The following THADA variants were observed in gnomAD, a reference collection of about 807,000 sequenced individuals.
THADA encodes tRNA (32-2'-O)-methyltransferase regulator THADA.
In THADA, 213 loss-of-function variants were observed where a neutral mutation model predicts 219.8. The ratio of observed to expected loss-of-function variants is 0.97; its 90% CI spans 0.87 to 1.09. THADA has a LOEUF of 1.09. Among genes scored for constraint, THADA ranks in the 50% least tolerant of loss-of-function variants. The probability of loss-of-function intolerance (pLI) is 0.00; values close to 1 mark genes in which losing one functional copy is unlikely to be tolerated. For missense variants in THADA, 2,956 were observed against 2,311.3 expected, an observed-to-expected ratio of 1.28 and a Z score of -5.72; for synonymous variants, 1,018 against 828.9, an observed-to-expected ratio of 1.23 and a Z score of -3.92.
intron 26 of THADA, among the ~76,000 whole-genome samples, chr2:43,471,452 G>A (rs939807376): frequency 6.6e-6 from 1 of 152,142 alleles, no homozygotes; most frequent in Non-Finnish European, 1.5e-5. Flanking sequence ...GATCACTTGA[G>A]CCTGGGAAGT....
intron 18 of THADA, 25 bp downstream of exon 18, chr2:43,552,179 A>G: frequency 6.3e-7 from 1 of 1,595,818 alleles, no homozygotes; most frequent in East Asian, 2.2e-5. Flanking sequence ...TTTCTGAGAC[A>G]GGAGGCAGCT....
chr2:43,245,834 T>C (rs946714189), intron 36 of THADA, among the ~76,000 whole-genome samples: 1 of 152,156 alleles, frequency 6.6e-6, no homozygotes, highest in African/African-American at 2.4e-5. Flanking sequence ...AACTGAAGAC[T>C]AGAATTTGAA....
chr2:43,353,934 C>G (rs1388618708), intron 29 of THADA, among the ~76,000 whole-genome samples: 1 of 152,060 alleles, frequency 6.6e-6, no homozygotes, highest in African/African-American at 2.4e-5. Flanking sequence ...TCTCCTGCCT[C>G]AGCCTCCCGA....
intron 35 of THADA, among the ~76,000 whole-genome samples, chr2:43,282,998 AT>A (rs747107331): frequency 1.6e-4 from 24 of 152,202 alleles, no homozygotes; most frequent in Non-Finnish European, 2.9e-4. Flanking sequence ...ATTGGAGTGG[AT>A]GGTGGGAGGT....
chr2:43,482,368 G>T (rs1203888538), intron 26 of THADA, among the ~76,000 whole-genome samples: 3 of 152,070 alleles, frequency 2.0e-5, no homozygotes, highest in Non-Finnish European at 4.4e-5. Flanking sequence ...GGAACTTCTT[G>T]TCTGTACTAT....
At chr2:43,525,652 C>T (rs1440189834) in intron 22 of THADA, among the ~76,000 whole-genome samples, 1 of 152,190 alleles carries the variant, frequency 6.6e-6, no homozygotes, top group African/African-American at 2.4e-5. Flanking sequence ...GTGACCAGTT[C>T]ATCTGCCAGC....
chr2:43,330,416 T>C (rs1459068523), intron 30 of THADA, among the ~76,000 whole-genome samples: 2 of 152,200 alleles, frequency 1.3e-5, no homozygotes, highest in Non-Finnish European at 2.9e-5. Flanking sequence ...CCTTGGCCCA[T>C]TCATGTAAGA....
chr2:43,415,303 T>C lies in THADA; in HGVS notation c.4058+12797A>G, dbSNP rs537046789. Among the ~76,000 whole-genome samples, 312 of 152,334 alleles carry C rather than the reference T, an allele frequency of 2.0e-3. 2 individuals carry two copies. The highest frequency in any genetic ancestry group is 0.01 in the Middle Eastern group (3 of 294). On this transcript the variant is annotated intron_variant, in intron 28 of 37. Coordinates refer to ENST00000405975, the MANE Select transcript of THADA (RefSeq NM_022065.5). ...TTAAGTGGGTAGAGGGCACTGCTTA[T>C]GACCTGTCAAATCATTTAATATAGG...
intron 15 of THADA, chr2:43,562,639 AAG>A (rs1698207368): frequency 6.6e-6 from 1 of 152,180 alleles, no homozygotes; most frequent in African/African-American, 2.4e-5. Context: ...AATTTTTTGA[AAG>A]AGTCTCAGAA....
At chr2:43,560,480 A>G in intron 15 of THADA, 95 bp from the exon 16 acceptor site, 1 of 857,014 alleles carries the variant, frequency 1.2e-6, no homozygotes, top group Non-Finnish European at 1.7e-6. Context: ...AATAAGTACC[A>G]AAAAACCACA....
At chr2:43,411,150 T>A (rs1676246831) in intron 28 of THADA, among the ~76,000 whole-genome samples, 1 of 152,206 alleles carries the variant, frequency 6.6e-6, no homozygotes, top group African/African-American at 2.4e-5. Flanking sequence ...TCTGAATCTT[T>A]CACATGTTCT....
chr2:43,450,792 T>C (rs1682216618), intron 26 of THADA, among the ~76,000 whole-genome samples: 1 of 152,142 alleles, frequency 6.6e-6, no homozygotes. Flanking sequence ...GGAAAATATA[T>C]TCCATATAAA....
intron 28 of THADA, among the ~76,000 whole-genome samples, chr2:43,398,369 T>G (rs993035788): frequency 1.3e-5 from 2 of 152,198 alleles, no homozygotes; most frequent in Non-Finnish European, 2.9e-5. Context: ...AGATTAAATG[T>G]AGACAGGCTT....
At chr2:43,427,121 A>G (rs1017045488) in intron 28 of THADA, among the ~76,000 whole-genome samples, 2 of 152,194 alleles carry the variant, frequency 1.3e-5, no homozygotes, top group Non-Finnish European at 2.9e-5. Flanking sequence ...AAAAGAGAAG[A>G]CGAGTGGGAA....
intron 29 of THADA, chr2:43,372,101 T>A (rs1240394057): frequency 2.0e-5 from 3 of 152,212 alleles, no homozygotes; most frequent in African/African-American, 4.8e-5. Flanking sequence ...TTCTTAGTAG[T>A]CTCCAAAGAC....
chr2:43,416,339 G>A (rs1005391720), intron 28 of THADA, among the ~76,000 whole-genome samples: 1 of 152,166 alleles, frequency 6.6e-6, no homozygotes, highest in African/African-American at 2.4e-5. Flanking sequence ...TTTTTCCACA[G>A]TTTCTGCTAA....
intron 25 of THADA, among the ~76,000 whole-genome samples, chr2:43,489,457 T>C (rs1687336553): frequency 6.6e-6 from 1 of 152,216 alleles, no homozygotes; most frequent in African/African-American, 2.4e-5. Context: ...CTAAATGTTA[T>C]CTAATCCAAG....
intron 24 of THADA, among the ~76,000 whole-genome samples, chr2:43,499,986 A>C (rs1688732359): frequency 2.0e-5 from 3 of 152,080 alleles, no homozygotes; most frequent in African/African-American, 2.4e-5. Context: ...ACAAACCCAA[A>C]AGCTGATTCT....
intron 9 of THADA, among the ~76,000 whole-genome samples, chr2:43,578,048 C>G (rs564783184): frequency 4.9e-4 from 74 of 151,828 alleles, no homozygotes; most frequent in African/African-American, 1.7e-3. Flanking sequence ...GTTGCTTTAT[C>G]TGAATTTTTG....
Sources: gnomAD v4.1 joint callset for allele counts (sites outside exome capture counted in the v4.1 genomes callset) on GRCh38, gnomAD v4.1.1 for gene constraint, MANE v1.5 for transcripts, NCBI Gene and HGNC (gene_info 2026-07-23, HGNC 2026-07-21) for gene names.